NOX4: variants seen among roughly 807,000 people sequenced by gnomAD.
The protein encoded by NOX4 is kidney oxidase-1.
NOX4 carries 69 observed loss-of-function variants against 87.6 expected under a neutral mutation model. The observed-to-expected ratio is 0.79, with a 90% CI of 0.65 to 0.96. The LOEUF is 0.96. Among genes scored for constraint, NOX4 ranks in the 40% least tolerant of loss-of-function variants. The probability of loss-of-function intolerance (pLI) is 0.00; values close to 1 mark genes in which losing one functional copy is unlikely to be tolerated. For missense variants in NOX4, 680 were observed against 681.5 expected (o/e 1.00, Z 0.02); for synonymous variants, 275 against 238.2 (o/e 1.15, Z -1.42).
chr11:89,466,104 A>C (rs531638298), intron 2 of NOX4, among the ~76,000 whole-genome samples: 1 of 152,110 alleles, frequency 6.6e-6, no homozygotes, highest in Non-Finnish European at 1.5e-5. Flanking sequence ...TCAAACCCTA[A>C]ATCTATTGAC....
At chr11:89,548,657 G>A in the NOX4 span, 2 of 152,250 alleles carry the variant, frequency 1.3e-5, no homozygotes, top group Admixed American at 6.5e-5. Flanking sequence ...TTGACTTCCT[G>A]TCTATCTATT....
chr11:89,373,365 A>G, intron 12 of NOX4, 67 bp downstream of exon 12: 1 of 934,062 alleles, frequency 1.1e-6, no homozygotes, highest in Non-Finnish European at 1.7e-6. Flanking sequence ...TTATATTAAA[A>G]CACATTCAAA....
intron 12 of NOX4, among the ~76,000 whole-genome samples, chr11:89,367,930 C>T (rs1030251632): frequency 6.6e-6 from 1 of 151,932 alleles, no homozygotes. Flanking sequence ...TGGAATAATC[C>T]CCCACTCTAG....
At chr11:89,546,783 C>A in the NOX4 span, 1 of 152,054 alleles carries the variant, frequency 6.6e-6, no homozygotes, top group Non-Finnish European at 1.5e-5. Context: ...TTGTAAGGAA[C>A]CCACTCCTGT....
the NOX4 span, among the ~76,000 whole-genome samples, chr11:89,509,664 A>G: frequency 2.0e-5 from 3 of 152,212 alleles, no homozygotes; most frequent in Admixed American, 2.0e-4. Context: ...ATGAAAGAGT[A>G]TATCAGAGAA....
chr11:89,361,029 T>A (rs1396064823), intron 12 of NOX4, among the ~76,000 whole-genome samples: 2 of 152,020 alleles, frequency 1.3e-5, no homozygotes, highest in African/African-American at 4.8e-5. Context: ...AATGACTATG[T>A]ACAATACATG....
At chr11:89,430,809 T>C (rs569113317) in intron 7 of NOX4, among the ~76,000 whole-genome samples, 51 of 152,236 alleles carry the variant, frequency 3.4e-4, no homozygotes, top group South Asian at 8.3e-4. Flanking sequence ...AGTTGCATCC[T>C]CATCAAGCTA....
At chr11:89,578,535 G>C in the NOX4 span, among the ~76,000 whole-genome samples, 1 of 152,016 alleles carries the variant, frequency 6.6e-6, no homozygotes, top group Non-Finnish European at 1.5e-5. Context: ...CTAAAATATA[G>C]TCACTTTACA....
At chr11:89,500,804 C>A (rs566349413), upstream of NOX4, among the ~76,000 whole-genome samples, 5 of 152,084 alleles carry the variant, frequency 3.3e-5, no homozygotes, top group African/African-American at 1.2e-4. Flanking sequence ...TGGTTCACTT[C>A]TTTAATGTTA....
At chr11:89,529,363 TAACTAA>T in the NOX4 span, among the ~76,000 whole-genome samples, 3 of 152,160 alleles carry the variant, frequency 2.0e-5, no homozygotes, top group Non-Finnish European at 4.4e-5. Flanking sequence ...GTAATCTAGT[TAACTAA>T]AACCAAACTG....
chr11:89,580,282 T>C, the NOX4 span, among the ~76,000 whole-genome samples: 3 of 152,304 alleles, frequency 2.0e-5, no homozygotes, highest in Non-Finnish European at 2.9e-5. Context: ...CCTCCTGGGC[T>C]CAAGTGATCC....
the NOX4 span, among the ~76,000 whole-genome samples, chr11:89,530,880 C>T: frequency 0.39 from 59,846 of 151,790 alleles, 12,285 homozygotes; most frequent in African/African-American, 0.5. Flanking sequence ...GAAGCTAAAC[C>T]GTAGAGAAAA....
At chr11:89,536,138 C>CTTTTTTTTTTT in the NOX4 span, among the ~76,000 whole-genome samples, 1 of 88,954 alleles carries the variant, frequency 1.1e-5, no homozygotes, top group Non-Finnish European at 2.1e-5. Flanking sequence ...TGGTCCTTTT[C>CTTTTTTTTTTT]TTTTTTTTTT....
chr11:89,499,989 G>A (rs1947000139), upstream of NOX4, among the ~76,000 whole-genome samples: 1 of 152,078 alleles, frequency 6.6e-6, no homozygotes, highest in Admixed American at 6.6e-5. Context: ...GGCATAGAAT[G>A]TAACATCTGT....
intron 11 of NOX4, among the ~76,000 whole-genome samples, chr11:89,385,408 T>A (rs1451046703): frequency 3.3e-5 from 5 of 152,024 alleles, no homozygotes; most frequent in African/African-American, 9.7e-5. Flanking sequence ...TCATGGAAGT[T>A]TTTCTCCTTC....
chr11:89,400,218 A>G lies in NOX4; in HGVS notation c.1008T>C (p.Gly336=). The change falls in exon 10 of 18, where the codon GGT becomes GGC. Residue 336 remains glycine, a synonymous_variant. Transcript: ENST00000263317. ...AAGTTGCTGACCACTGACTCACCTG[A>G]CCAGGTCTTGCTTTAAAATTTTCTT... The part of the protein sequence containing the change: ...MVKENFKARP[G]QYITLHCPSV... 2.5e-6 allele frequency: 4 copies of G among 1,612,280 alleles called. No individual in the cohort carries two copies. Among genetic ancestry groups the G allele is most frequent in the Non-Finnish European group, 3.4e-6 (4 of 1,178,942 alleles).
At chr11:89,433,135 C>T (rs1367916257) in intron 6 of NOX4, among the ~76,000 whole-genome samples, 1 of 151,986 alleles carries the variant, frequency 6.6e-6, no homozygotes, top group Non-Finnish European at 1.5e-5. Context: ...ATTAGCATAT[C>T]CATCCATCAT....
intron 8 of NOX4, among the ~76,000 whole-genome samples, chr11:89,413,992 A>G (rs1217690243): frequency 6.6e-6 from 1 of 152,028 alleles, no homozygotes; most frequent in Non-Finnish European, 1.5e-5. Context: ...GTATATATGT[A>G]TATGTGTGTG....
intron 11 of NOX4, among the ~76,000 whole-genome samples, chr11:89,395,538 T>G (rs533225888): frequency 6.6e-6 from 1 of 152,224 alleles, no homozygotes; most frequent in African/African-American, 2.4e-5. Context: ...TTGGCTTTTT[T>G]TGCTTTGGCT....
Sources: gnomAD v4.1 joint callset for allele counts (sites outside exome capture counted in the v4.1 genomes callset) on GRCh38, gnomAD v4.1.1 for gene constraint, MANE v1.5 for transcripts, NCBI Gene and HGNC (gene_info 2026-07-23, HGNC 2026-07-21) for gene names.